The following MTREX variants were observed in gnomAD, a reference collection of about 807,000 sequenced individuals.
MTREX encodes the protein Mtr4 exosome RNA helicase, also known as exosome RNA helicase MTR4.
In MTREX, 76 loss-of-function variants were observed where a neutral mutation model predicts 135.4. The ratio of observed to expected loss-of-function variants is 0.56; its 90% CI spans 0.47 to 0.68. The LOEUF is 0.68. MTREX is among the 30% of genes least tolerant of loss of function. The pLI is 0.00. For missense variants in MTREX, 920 were observed against 1,262.1 expected, an observed-to-expected ratio of 0.73 and a Z score of 4.11; for synonymous variants, 404 against 401.6, an observed-to-expected ratio of 1.01 and a Z score of -0.07.
At chr5:55,399,968 G>T (rs568254425) in intron 20 of MTREX, among the ~76,000 whole-genome samples, 1 of 152,136 alleles carries the variant, frequency 6.6e-6, no homozygotes, top group Non-Finnish European at 1.5e-5. Flanking sequence ...GTTGTGCCAC[G>T]TTCAGGACTA....
chr5:55,327,079 T>G (rs1043468635), intron 3 of MTREX, among the ~76,000 whole-genome samples: 7 of 152,232 alleles, frequency 4.6e-5, no homozygotes, highest in South Asian at 2.1e-4. Context: ...TGCCACATTT[T>G]CTTTATCCAG....
intron 16 of MTREX, among the ~76,000 whole-genome samples, chr5:55,372,929 T>C (rs947960631): frequency 1.3e-5 from 2 of 151,386 alleles, no homozygotes; most frequent in East Asian, 3.9e-4. Context: ...TGTGTGTGTG[T>C]GTGTGTGTGT....
intron 18 of MTREX, 114 bp downstream of exon 18, chr5:55,379,309 A>T: frequency 1.6e-6 from 1 of 610,828 alleles, no homozygotes; most frequent in Non-Finnish European, 2.8e-6. Flanking sequence ...AGCAGTAATA[A>T]ATTCTGCCAT....
chr5:55,329,110 G>T (rs1021912287), intron 5 of MTREX, among the ~76,000 whole-genome samples: 1 of 151,930 alleles, frequency 6.6e-6, no homozygotes, highest in Non-Finnish European at 1.5e-5. Context: ...TCTGTTCTTG[G>T]TTTGCAGAGA....
intron 1 of MTREX, among the ~76,000 whole-genome samples, chr5:55,308,592 C>T (rs1056485821): frequency 5.9e-5 from 9 of 152,164 alleles, no homozygotes; most frequent in South Asian, 2.1e-4. Context: ...GTAGTTTTCT[C>T]TTCCGTAAAA....
At chr5:55,414,438 C>T (rs755671357) in intron 24 of MTREX, among the ~76,000 whole-genome samples, 200 bp downstream of exon 24, 2 of 151,986 alleles carry the variant, frequency 1.3e-5, no homozygotes, top group Non-Finnish European at 2.9e-5. Context: ...AATAATTAAA[C>T]AGTATTTCTT....
chr5:55,347,989 G>C (rs992697155), intron 11 of MTREX, among the ~76,000 whole-genome samples: 3 of 152,154 alleles, frequency 2.0e-5, no homozygotes, highest in African/African-American at 7.2e-5. Flanking sequence ...AGAGACACCC[G>C]CATGATTCAG....
chr5:55,308,549 G>A (rs762882428), intron 1 of MTREX, among the ~76,000 whole-genome samples: 44 of 152,154 alleles, frequency 2.9e-4, no homozygotes, highest in Non-Finnish European at 5.0e-4. Flanking sequence ...ATAATAACAT[G>A]AGAAGGGAGA....
chr5:55,311,471 G>A (rs1342812780), intron 1 of MTREX, among the ~76,000 whole-genome samples: 1 of 152,008 alleles, frequency 6.6e-6, no homozygotes, highest in East Asian at 1.9e-4. Context: ...TTCTGCCATT[G>A]ATTTCTATTT....
chr5:55,424,785 G>T lies in MTREX; in HGVS notation c.*13G>T. 1 of 1,598,076 alleles carries T rather than the reference G, an allele frequency of 6.3e-7. No homozygotes were observed. Among genetic ancestry groups the T allele is most frequent in the South Asian group, 1.1e-5 (1 of 90,546 alleles). Reference sequence around the variant, plus strand: ...CCTCTACTTGTAGAGTCAGCTAAAGGAATGTGAGATTTTAAATTATTGACC... The same window carrying T: ...CCTCTACTTGTAGAGTCAGCTAAAGTAATGTGAGATTTTAAATTATTGACC... On this transcript the variant is annotated 3_prime_UTR_variant, in exon 27 of 27. Transcript: ENST00000230640.
rs145872393 is a variant in MTREX, at chr5:55,385,182, T to C, written c.2053-2792T>C. 1.1e-3 allele frequency among the ~76,000 whole-genome samples: 165 copies of C among 152,230 alleles called. 1 individual carries two copies. The highest frequency in any genetic ancestry group is 3.9e-3 in the African/African-American group (163 of 41,554). On this transcript the variant is annotated intron_variant, in intron 18 of 26. Coordinates refer to ENST00000230640, the MANE Select transcript of MTREX (RefSeq NM_015360.5). Reference sequence around the variant, plus strand: ...GGGAGAATGCACACTTTTCTCTGAGTAACATCACTGCTTTAGAAGCAGGGG... The same window carrying C: ...GGGAGAATGCACACTTTTCTCTGAGCAACATCACTGCTTTAGAAGCAGGGG...
intron 6 of MTREX, among the ~76,000 whole-genome samples, chr5:55,340,752 T>G (rs538565526): frequency 1.3e-5 from 2 of 152,160 alleles, no homozygotes; most frequent in African/African-American, 4.8e-5. Flanking sequence ...CAGCTAATTT[T>G]TTGTATTTTT....
intron 16 of MTREX, among the ~76,000 whole-genome samples, chr5:55,377,251 C>T (rs533168242): frequency 2.0e-5 from 3 of 152,112 alleles, no homozygotes; most frequent in Non-Finnish European, 2.9e-5. Flanking sequence ...GGTGTGAACC[C>T]GGGAGGCAGA....
rs534238027 is a variant in MTREX at position 55,317,049 on chromosome 5, C to T, written c.135-5278C>T. ...CAATTGCCACACACCTCCCCCCTCC[C>T]ACACACACACACCCTAGAAATACAG... On this transcript the variant is annotated intron_variant, in intron 1 of 26. Coordinates refer to ENST00000230640, the MANE Select transcript of MTREX (RefSeq NM_015360.5). Among the ~76,000 whole-genome samples, 3 of 148,572 alleles carry T rather than the reference C, an allele frequency of 2.0e-5. No homozygotes were observed. The East Asian group carries it at 5.8e-4, about 29-fold the overall frequency.
chr5:55,398,570 A>G (rs747423260), intron 20 of MTREX, among the ~76,000 whole-genome samples: 6 of 152,180 alleles, frequency 3.9e-5, no homozygotes, highest in Non-Finnish European at 7.4e-5. Context: ...GTTTTTTCTG[A>G]TATTTTCAGA....
intron 22 of MTREX, among the ~76,000 whole-genome samples, chr5:55,408,720 A>G (rs909405490): frequency 1.3e-5 from 2 of 152,102 alleles, no homozygotes; most frequent in African/African-American, 4.8e-5. Flanking sequence ...ACACAGTTGC[A>G]AATTCAGAAT....
chr5:55,411,983 C>T (rs1005454333), intron 23 of MTREX, among the ~76,000 whole-genome samples: 1 of 152,002 alleles, frequency 6.6e-6, no homozygotes, highest in Admixed American at 6.6e-5. Flanking sequence ...ACAATAGTTC[C>T]TTTTTCTGAG....
At chr5:55,333,666 G>A (rs1749510199) in intron 5 of MTREX, among the ~76,000 whole-genome samples, 1 of 152,098 alleles carries the variant, frequency 6.6e-6, no homozygotes, top group Non-Finnish European at 1.5e-5. Context: ...GAGGTTGGCT[G>A]TGGAAAACAG....
intron 3 of MTREX, among the ~76,000 whole-genome samples, chr5:55,326,717 C>CT (rs1749384124): frequency 1.3e-5 from 2 of 152,116 alleles, no homozygotes. Flanking sequence ...AATTATTATA[C>CT]TTTAAGTTCT....
Sources: allele counts gnomAD v4.1 joint callset (sites outside exome capture counted in the v4.1 genomes callset), GRCh38; gene constraint gnomAD v4.1.1; transcripts MANE v1.5; gene names NCBI Gene and HGNC (gene_info 2026-07-23, HGNC 2026-07-21).